COL8A2: variants seen among roughly 807,000 people sequenced by gnomAD.
COL8A2 encodes collagen type VIII alpha 2 chain.
COL8A2 carries 16 observed loss-of-function variants against 24.0 expected under a neutral mutation model. The observed-to-expected ratio is 0.67, with a 90% CI of 0.45 to 1.01. COL8A2 has a LOEUF of 1.01. Among genes scored for constraint, COL8A2 ranks in the 50% least tolerant of loss-of-function variants. The pLI is 0.00. For synonymous variants in COL8A2, 466 were observed against 424.5 expected, an observed-to-expected ratio of 1.10 and a Z score of -1.20; for missense variants, 818 against 942.4, an observed-to-expected ratio of 0.87 and a Z score of 1.73.
Position 36,097,632 on chromosome 1 carries a change from G to T in COL8A2, c.2049C>A (p.Asn683Lys). 6.2e-7 allele frequency: 1 copy of T among 1,613,492 alleles called. No homozygotes were observed. The highest frequency in any genetic ancestry group is 1.1e-5 in the South Asian group (1 of 91,074). ...GGATGTACTCCGTGGAGTAGAGGCC[G>T]TTGGCCTGGTCCGACGGCATCTGCA... ...VWVQMPSDQA[N>K]GLYSTEYIHS... Residue 683 changes from asparagine to lysine, a missense_variant, in exon 4 of 4, where the codon AAC (asparagine) becomes AAA (lysine). Around this residue, in one of 3 missense-constraint regions of COL8A2, gnomAD observed 235 missense variants for 297.3 expected, o/e 0.79. Transcript: ENST00000397799.
chr1:36,111,860 T>C (rs1052897251), intron 2 of COL8A2, among the ~76,000 whole-genome samples: 3 of 152,132 alleles, frequency 2.0e-5, no homozygotes, highest in Admixed American at 1.3e-4. Context: ...GCATGTCCCC[T>C]GGCTGTCCCT....
At chr1:36,100,846 C>T (rs1339500243) in intron 2 of COL8A2, among the ~76,000 whole-genome samples, 2 of 143,004 alleles carry the variant, frequency 1.4e-5, no homozygotes, top group East Asian at 4.5e-4. Flanking sequence ...TGCCACTCGC[C>T]TTTGGGATCA....
chr1:36,116,446 C>T (rs1378904676), intron 1 of COL8A2, among the ~76,000 whole-genome samples: 5 of 152,204 alleles, frequency 3.3e-5, no homozygotes, highest in African/African-American at 1.2e-4. Flanking sequence ...AGGATCCCTG[C>T]TGGGGAAGCT....
chr1:36,111,716 A>C (rs565508337), intron 2 of COL8A2, among the ~76,000 whole-genome samples: 2 of 152,112 alleles, frequency 1.3e-5, no homozygotes, highest in South Asian at 4.2e-4. Context: ...ACGCTGGACT[A>C]ATTTTTAAGT....
chr1:36,097,474 C>CT lies in COL8A2; in HGVS notation c.*94dup. ...CAAGGCCACGGCCGCCTCTGTTCAGCTTTTGTTTTTTTTTCCAGGAGGTTC... is the reference window on the plus strand; with the variant it reads ...CAAGGCCACGGCCGCCTCTGTTCAGCTTTTTGTTTTTTTTTCCAGGAGGTTC... On this transcript the variant is annotated 3_prime_UTR_variant, in exon 4 of 4. Coordinates refer to ENST00000397799, the MANE Select transcript of COL8A2 (RefSeq NM_005202.4). The CT allele has an allele frequency of 5.5e-6, 6 of 1,081,110 alleles. No homozygotes were observed. In the African/African-American group the frequency reaches 6.3e-5, roughly 11 times the overall value. The allele number at this position is 1,081,110 out of a possible 1,614,324, so 67.0% of individuals were successfully genotyped here.
chr1:36,099,069 G>GT lies in COL8A2; in HGVS notation c.611_612insA (p.Lys205GlnfsTer4). 6.6e-7 allele frequency: 1 copy of GT among 1,515,620 alleles called. No individual in the cohort carries two copies. Among genetic ancestry groups the GT allele is most frequent in the Non-Finnish European group, 8.8e-7 (1 of 1,133,872 alleles). The allele number at this position is 1,515,620 out of a possible 1,614,324, so 93.9% of individuals were successfully genotyped here. ...GCTGGCCCACTCCATTATCCCCCTT[G>GT]AGGCCTCGATCACCTGGGGGCCCAG... On this transcript the variant is annotated frameshift_variant, in exon 4 of 4. Transcript: ENST00000397799. LOFTEE classifies it low-confidence loss of function (END_TRUNC).
In COL8A2 at chr1:36,098,484, A is replaced by C. The variant is rs1643614185; in HGVS notation, c.1197T>G (p.Ser399Arg). ...GGACCCCTGGTTTCCCAGCCAGGCC[A>C]CTAGGCCCCTGGTCACCTCGAATGC... ...VPGIRGDQGP[S>R]GLAGKPGVPG... The change falls in exon 4 of 4, where the codon AGT becomes AGG. Residue 399 changes from serine to arginine, a missense_variant. Physicochemically the swap from Ser to Arg is moderately radical, Grantham distance 110. Transcript: ENST00000397799. 1 of 1,579,868 alleles carries C rather than the reference A, an allele frequency of 6.3e-7. No individual in the cohort carries two copies. Among genetic ancestry groups the C allele is most frequent in the African/African-American group, 1.4e-5 (1 of 73,832 alleles).
Position 36,099,437 on chromosome 1 carries a change from G to C in COL8A2, c.244C>G (p.Pro82Ala), listed in dbSNP as rs1643640318. 13 of 1,545,850 alleles carry C rather than the reference G, an allele frequency of 8.4e-6. No homozygotes were observed. The highest frequency in any genetic ancestry group is 7.1e-5 in the South Asian group (6 of 84,734). The change falls in exon 4 of 4, where the codon CCT (proline) becomes GCT (alanine). Residue 82 changes from proline to alanine, a missense_variant. Transcript: ENST00000397799. ...GGACCCCGAGGCCCGGGCTTCCCAG[G>C]GGGGCCGGGCTCTCCCTTCAGGTCC... Reference protein sequence around the residue: ...PMDLKGEPGPPGKPGPRGPPG... With the variant: ...PMDLKGEPGPAGKPGPRGPPG...
chr1:36,098,529 T>C lies in COL8A2; in HGVS notation c.1152A>G (p.Gly384=). The C allele has an allele frequency of 6.3e-7, 1 of 1,595,682 alleles. No homozygotes were observed. Among genetic ancestry groups the C allele is most frequent in the East Asian group, 2.3e-5 (1 of 43,660 alleles). ...PPGPKGEAGP[G]GPPGVPGIRG... ...GAATGCCAGGCACTCCTGGGGGTCC[T>C]CCAGGCCCTGCCTCACCCTTAGGCC... The change falls in exon 4 of 4, where the codon GGA becomes GGG. Residue 384 remains glycine (G), a synonymous_variant. Transcript: ENST00000397799.
At chr1:36,120,145 A>T (rs1643899864) in intron 1 of COL8A2, among the ~76,000 whole-genome samples, 1 of 152,032 alleles carries the variant, frequency 6.6e-6, no homozygotes, top group Non-Finnish European at 1.5e-5. Context: ...CTCCACAAAA[A>T]ACCCCTTGTG....
intron 1 of COL8A2, among the ~76,000 whole-genome samples, chr1:36,119,910 C>T (rs191158839): frequency 1.3e-5 from 2 of 152,228 alleles, no homozygotes; most frequent in Non-Finnish European, 2.9e-5. Context: ...TACACAGACT[C>T]AGAGGAAAAC....
At position 36,099,701 on chromosome 1, in the gene COL8A2, A is replaced by G. The variant is rs546310151; in HGVS notation, c.194-214T>C. Among the ~76,000 whole-genome samples, 88 of 152,146 alleles carry G rather than the reference A, an allele frequency of 5.8e-4. 1 individual carries two copies. In the South Asian group the frequency reaches 0.015, roughly 27 times the overall value. Reference sequence around the variant, plus strand: ...CTTAAGGGCTCCTAACACCCAACCTACCTAGGCTGGGCCTCCTCCATGAGC... The same window carrying G: ...CTTAAGGGCTCCTAACACCCAACCTGCCTAGGCTGGGCCTCCTCCATGAGC... On this transcript the variant is annotated intron_variant, in intron 3 of 3. Coordinates refer to ENST00000397799, the MANE Select transcript of COL8A2 (RefSeq NM_005202.4).
chr1:36,104,679 C>T (rs1359520212), intron 2 of COL8A2, among the ~76,000 whole-genome samples: 3 of 151,786 alleles, frequency 2.0e-5, no homozygotes, highest in Admixed American at 6.6e-5. Context: ...CCTGTAGTCC[C>T]GGCTACTCAG....
At chr1:36,114,375 G>A (rs1643869971) in intron 2 of COL8A2, among the ~76,000 whole-genome samples, 1 of 150,644 alleles carries the variant, frequency 6.6e-6, no homozygotes, top group Admixed American at 6.6e-5. Flanking sequence ...CCTGGAGGAG[G>A]CCCACGGATT....
Position 36,098,275 on chromosome 1 carries a change from C to T in COL8A2, c.1406G>A (p.Gly469Asp), listed in dbSNP as rs1306884942. ...TTGGGGCCCAATAGGGCCAGCTGGA[C>T]CCTGGAGTCCTGGGATTCCTGAGGG... ...RGPSGIPGLQ[G>D]PAGPIGPQGL... The change falls in exon 4 of 4, where the codon GGT (glycine) becomes GAT (aspartate). Residue 469 changes from glycine (G) to aspartate (D), a missense_variant. Gly to Asp is a moderately conservative substitution (Grantham distance 94, BLOSUM62 -1). Coordinates refer to ENST00000397799, the MANE Select transcript of COL8A2 (RefSeq NM_005202.4). The T allele has an allele frequency of 1.3e-6, 2 of 1,546,896 alleles. No homozygotes were observed. The highest frequency in any genetic ancestry group is 1.2e-5 in the South Asian group (1 of 83,970).
chr1:36,119,381 GC>G (rs1643894453), intron 1 of COL8A2, among the ~76,000 whole-genome samples: 1 of 152,162 alleles, frequency 6.6e-6, no homozygotes, highest in Non-Finnish European at 1.5e-5. Flanking sequence ...TGGTCCCAGA[GC>G]TTGGCCCCAA....
intron 2 of COL8A2, among the ~76,000 whole-genome samples, chr1:36,110,087 G>A (rs544797144): frequency 1.6e-4 from 24 of 151,516 alleles, no homozygotes; most frequent in Admixed American, 5.3e-4. Flanking sequence ...CCGCCACCAC[G>A]CCCGGCTAAT....
chr1:36,108,130 T>A (rs1456654414), intron 2 of COL8A2, among the ~76,000 whole-genome samples: 1 of 152,208 alleles, frequency 6.6e-6, no homozygotes, highest in Non-Finnish European at 1.5e-5. Context: ...AAATGTCACA[T>A]TCACCCAGGG....
chr1:36,116,638 A>T (rs891103491), intron 1 of COL8A2, among the ~76,000 whole-genome samples: 1 of 152,214 alleles, frequency 6.6e-6, no homozygotes, highest in Middle Eastern at 3.2e-3. Context: ...GCTTCCCCTG[A>T]AGGCTTCATG....
Sources: allele counts gnomAD v4.1 joint callset (sites outside exome capture counted in the v4.1 genomes callset), GRCh38; gene constraint gnomAD v4.1.1; regional missense constraint gnomAD v4.1.1; transcripts MANE v1.5; gene names NCBI Gene and HGNC (gene_info 2026-07-23, HGNC 2026-07-21).